Variants in HDAC9 observed in about 807,000 individuals in gnomAD.
HDAC9 encodes histone deacetylase 9.
Under a neutral mutation model 139.4 loss-of-function variants are expected in HDAC9, and 41 were observed. The ratio of observed to expected loss-of-function variants is 0.29; its 90% confidence interval spans 0.23 to 0.38. HDAC9 has a LOEUF of 0.38. Ranked by LOEUF, HDAC9 falls within the 10% of genes least tolerant of loss-of-function variation. The probability of loss-of-function intolerance (pLI) is 1.00; values close to 1 mark genes in which losing one functional copy is unlikely to be tolerated. For synonymous variants in HDAC9, 517 were observed against 476.2 expected, an observed-to-expected ratio of 1.09 and a Z score of -1.12; for missense variants, 1,147 against 1,297.0, an observed-to-expected ratio of 0.88 and a Z score of 1.78.
chr7:18,471,667 C>G (rs1043352550), intron 1 of HDAC9, among the ~76,000 whole-genome samples: 4 of 152,186 alleles, frequency 2.6e-5, no homozygotes, highest in African/African-American at 9.7e-5. Flanking sequence ...ATCCTAACTC[C>G]AGGCCTGTGC....
At chr7:18,391,390 C>CAA (rs1202080586) in intron 1 of HDAC9, among the ~76,000 whole-genome samples, 3 of 146,944 alleles carry the variant, frequency 2.0e-5, no homozygotes, top group Admixed American at 6.8e-5. Context: ...ATCCCCCCCC[C>CAA]AAAAAAAAAA....
chr7:18,190,448 A>G (rs1009008544), intron 2 of HDAC9, among the ~76,000 whole-genome samples: 1 of 152,228 alleles, frequency 6.6e-6, no homozygotes, highest in Admixed American at 6.5e-5. Flanking sequence ...CTTCGCCAAA[A>G]TTTATACAGA....
chr7:18,171,021 A>G (rs1472240244), intron 2 of HDAC9, among the ~76,000 whole-genome samples: 1 of 152,194 alleles, frequency 6.6e-6, no homozygotes, highest in Non-Finnish European at 1.5e-5. Flanking sequence ...CATTGAGTGT[A>G]TAAATTACCT....
chr7:18,723,805 C>T (rs1419163523), intron 12 of HDAC9, among the ~76,000 whole-genome samples: 1 of 151,868 alleles, frequency 6.6e-6, no homozygotes, highest in South Asian at 2.1e-4. Flanking sequence ...TTTAGTAACC[C>T]CAGTCATCTA....
chr7:18,412,340 C>T (rs1299443766), intron 1 of HDAC9, among the ~76,000 whole-genome samples: 1 of 151,932 alleles, frequency 6.6e-6, no homozygotes, highest in Non-Finnish European at 1.5e-5. Flanking sequence ...ACTGAAAAAA[C>T]TATAATAACA....
At chr7:18,400,794 G>A (rs1337660693) in intron 1 of HDAC9, among the ~76,000 whole-genome samples, 2 of 152,152 alleles carry the variant, frequency 1.3e-5, no homozygotes, top group Non-Finnish European at 2.9e-5. Flanking sequence ...CAGAAAAGGA[G>A]GAACAGACTA....
chr7:18,553,959 A>G (rs946691914), intron 2 of HDAC9, among the ~76,000 whole-genome samples: 1 of 152,164 alleles, frequency 6.6e-6, no homozygotes, highest in African/African-American at 2.4e-5. Flanking sequence ...GTGGGACACT[A>G]TTGGCATTTT....
At chr7:18,588,800 A>T (rs1830140634) in intron 3 of HDAC9, among the ~76,000 whole-genome samples, 1 of 152,144 alleles carries the variant, frequency 6.6e-6, no homozygotes, top group African/African-American at 2.4e-5. Flanking sequence ...GAAGCTGACT[A>T]AACTTTGTGC....
chr7:18,668,317 G>T (rs1471332526), intron 12 of HDAC9: 1 of 954,202 alleles, frequency 1.0e-6, no homozygotes, highest in Non-Finnish European at 1.2e-6. Context: ...ATATTAAAAT[G>T]ACTTTTTGTC....
At chr7:18,650,129 A>G (rs1291840296) in intron 11 of HDAC9, among the ~76,000 whole-genome samples, 2 of 152,110 alleles carry the variant, frequency 1.3e-5, no homozygotes, top group Non-Finnish European at 1.5e-5. Flanking sequence ...TATGTTTTCT[A>G]TATTATGGTA....
At chr7:18,284,344 C>G (rs1797299554) in intron 2 of HDAC9, among the ~76,000 whole-genome samples, 1 of 152,120 alleles carries the variant, frequency 6.6e-6, no homozygotes, top group Admixed American at 6.6e-5. Context: ...ACATGAAACT[C>G]TGGGACTACT....
At chr7:18,793,599 A>G (rs550333897) in intron 17 of HDAC9, 147 bp downstream of exon 17, 2 of 662,580 alleles carry the variant, frequency 3.0e-6, no homozygotes, top group Admixed American at 2.1e-5. Context: ...AGGTGTGATA[A>G]TAACTCATCT....
chr7:18,271,883 T>C (rs1796379628), intron 2 of HDAC9, among the ~76,000 whole-genome samples: 2 of 152,170 alleles, frequency 1.3e-5, no homozygotes, highest in Admixed American at 1.3e-4. Context: ...GCCCAGAACA[T>C]TGATAGCATT....
intron 8 of HDAC9, among the ~76,000 whole-genome samples, chr7:18,644,348 A>G (rs551813390): frequency 1.4e-4 from 21 of 152,288 alleles, no homozygotes; most frequent in Admixed American, 4.6e-4. Flanking sequence ...AGAAGTAGAC[A>G]TACTAATCAG....
intron 13 of HDAC9, among the ~76,000 whole-genome samples, chr7:18,729,812 A>G (rs192722538): frequency 3.8e-4 from 58 of 152,316 alleles, no homozygotes; most frequent in Admixed American, 3.4e-3. Context: ...CACATGAGAT[A>G]TTATATAAAA....
chr7:18,947,619 A>G (rs1227085931), intron 23 of HDAC9, among the ~76,000 whole-genome samples: 1 of 152,006 alleles, frequency 6.6e-6, no homozygotes, highest in East Asian at 1.9e-4. Context: ...AACTAAATTT[A>G]CCAGGAGAAA....
intron 1 of HDAC9, among the ~76,000 whole-genome samples, chr7:18,425,903 G>T (rs916120437): frequency 9.9e-5 from 15 of 152,128 alleles, no homozygotes; most frequent in Admixed American, 8.5e-4. Flanking sequence ...ATCAAGTCCA[G>T]CCTGCCTTTT....
At chr7:18,803,741 C>G (rs1793487013) in intron 17 of HDAC9, among the ~76,000 whole-genome samples, 1 of 151,804 alleles carries the variant, frequency 6.6e-6, no homozygotes, top group Non-Finnish European at 1.5e-5. Context: ...GTCTTGCTTG[C>G]CATGTATTTT....
chr7:18,639,796 G>A (rs1045093365), intron 8 of HDAC9, among the ~76,000 whole-genome samples: 1 of 152,006 alleles, frequency 6.6e-6, no homozygotes, highest in Non-Finnish European at 1.5e-5. Context: ...ATGTCTTCCT[G>A]TATGCCATTC....
Sources: gnomAD v4.1 joint callset for allele counts (sites outside exome capture counted in the v4.1 genomes callset) on GRCh38, gnomAD v4.1.1 for gene constraint, MANE v1.5 for transcripts, NCBI Gene and HGNC (gene_info 2026-07-23, HGNC 2026-07-21) for gene names.